Variants in LRSAM1 observed in about 807,000 individuals in gnomAD.
LRSAM1 encodes E3 ubiquitin-protein ligase LRSAM1.
LRSAM1 carries 96 observed loss-of-function variants against 118.1 expected under a neutral mutation model. The ratio of observed to expected loss-of-function variants is 0.81; its 90% CI spans 0.69 to 0.96. The LOEUF is 0.96. Ranked by LOEUF, LRSAM1 falls within the 40% of genes least tolerant of loss-of-function variation. The pLI is 0.00. For synonymous variants in LRSAM1, 322 were observed against 364.2 expected, an observed-to-expected ratio of 0.88 and a Z score of 1.32; for missense variants, 804 against 915.5, an observed-to-expected ratio of 0.88 and a Z score of 1.57.
intron 24 of LRSAM1, among the ~76,000 whole-genome samples, chr9:127,500,103 G>A (rs1353431825): frequency 2.6e-5 from 4 of 152,098 alleles, no homozygotes; most frequent in Non-Finnish European, 4.4e-5. Flanking sequence ...GCTCACGCCT[G>A]TAATCCCAGC....
intron 9 of LRSAM1, among the ~76,000 whole-genome samples, chr9:127,464,839 C>T (rs1834873583): frequency 6.6e-6 from 1 of 151,940 alleles, no homozygotes; most frequent in South Asian, 2.1e-4. Flanking sequence ...GATGAGGTCC[C>T]ACTATGTTGC....
In LRSAM1 at chr9:127,461,217, C is replaced by T; in HGVS notation, c.366C>T (p.Ser122=). Residue 122 remains serine, a synonymous_variant, in exon 8 of 26, where the codon TCC becomes TCT. Coordinates refer to ENST00000300417, the MANE Select transcript of LRSAM1 (RefSeq NM_001005373.4). ...ATCAACTGATGCAGCTCCCACGTTCCATTGGGAACCTGACCCAGCTCCAGA... is the reference window on the plus strand; with the variant it reads ...ATCAACTGATGCAGCTCCCACGTTCTATTGGGAACCTGACCCAGCTCCAGA... ...ERNQLMQLPR[S]IGNLTQLQTL... is the part of the protein sequence containing the mutation. 6.2e-7 allele frequency: 1 copy of T among 1,612,344 alleles called. No individual in the cohort carries two copies. Among genetic ancestry groups the T allele is most frequent in the African/African-American group, 1.3e-5 (1 of 75,016 alleles).
chr9:127,460,411 C>G (rs1834691168), intron 7 of LRSAM1, among the ~76,000 whole-genome samples: 1 of 152,250 alleles, frequency 6.6e-6, no homozygotes, highest in Non-Finnish European at 1.5e-5. Context: ...CTGGTTCAGT[C>G]CCAGCACCAC....
chr9:127,501,094 C>T lies in LRSAM1; in HGVS notation c.1997C>T (p.Ala666Val). The part of the protein sequence containing the change: ...PESVRPSAPP[A>V]ELEVQASECV... Reference sequence around the variant, plus strand: ...TCTGTGAGGCCATCCGCTCCCCCTGCAGAGCTGGAGGTGCAGGCCTCAGAG... The same window carrying T: ...TCTGTGAGGCCATCCGCTCCCCCTGTAGAGCTGGAGGTGCAGGCCTCAGAG... The change falls in exon 25 of 26, where the codon GCA becomes GTA. Residue 666 changes from alanine to valine, a missense_variant. By Grantham distance (64) the Ala-to-Val change is moderately conservative. Transcript: ENST00000300417. 6.2e-7 allele frequency: 1 copy of T among 1,613,982 alleles called. No homozygotes were observed. Among genetic ancestry groups the T allele is most frequent in the Admixed American group, 1.7e-5 (1 of 60,016 alleles).
At chr9:127,466,513 T>TATACA (rs1326313613) in intron 9 of LRSAM1, among the ~76,000 whole-genome samples, 1 of 86,026 alleles carries the variant, frequency 1.2e-5, no homozygotes, top group African/African-American at 5.4e-5. Context: ...TATTTTTTTT[T>TATACA]TTTTTTTTTT....
intron 12 of LRSAM1, 148 bp from the exon 13 acceptor site, chr9:127,479,235 A>T: frequency 8.4e-7 from 1 of 1,190,464 alleles, no homozygotes; most frequent in Non-Finnish European, 1.2e-6. Flanking sequence ...TTGTTTTCTT[A>T]CAGTTGGGCC....
chr9:127,451,804 T>C (rs975105024), intron 1 of LRSAM1, 125 bp from the exon 2 acceptor site: 3 of 160,670 alleles, frequency 1.9e-5, no homozygotes, highest in African/African-American at 7.2e-5. Context: ...GCACTTTAGT[T>C]ATCAAAACAG....
chr9:127,467,844 G>A lies in LRSAM1; in HGVS notation c.619+14G>A, dbSNP rs770398029. On this transcript the variant is annotated intron_variant, in intron 10 of 25. Transcript: ENST00000300417. ...TCCTCTGCAAAGGTAAAGCCAGGCC[G>A]CTGCCTCCTCCCCTCATTGAGGAAC... The A allele has an allele frequency of 3.2e-5, 50 of 1,566,190 alleles. No individual in the cohort carries two copies. Among genetic ancestry groups the A allele is most frequent in the South Asian group, 8.1e-5 (7 of 85,906 alleles).
rs376651049 is a variant in LRSAM1 at position 127,493,897 on chromosome 9, G to A, written c.1599+1000G>A. Among the ~76,000 whole-genome samples the A allele has an allele frequency of 7.9e-5, 12 of 152,326 alleles. No individual in the cohort carries two copies. The East Asian group carries it at 1.5e-3, about 20-fold the overall frequency. ...ATGCACCAGATGCCCTCTGAGCTGC[G>A]TCCTAGGCCGGGTCCTGTGCAGGTT... On this transcript the variant is annotated intron_variant, in intron 21 of 25. Coordinates refer to ENST00000300417, the MANE Select transcript of LRSAM1 (RefSeq NM_001005373.4).
Position 127,502,978 on chromosome 9 carries a change from CAGCCAGACTCGTATG to C in LRSAM1, c.*82_*96del, listed in dbSNP as rs1836456929. The C allele has an allele frequency of 6.5e-7, 1 of 1,535,830 alleles. No homozygotes were observed. Among genetic ancestry groups the C allele is most frequent in the Admixed American group, 2.0e-5 (1 of 51,054 alleles). On this transcript the variant is annotated 3_prime_UTR_variant, in exon 26 of 26. Transcript: ENST00000300417. The stretch of plus-strand genomic sequence containing the variant: ...CCCGGGCTCCTGCTCAGCCTTGTGC[CAGCCAGACTCGTATG>C]AGGCTCCCCCCTGCCCTGGGCCCCT...
At chr9:127,488,004 C>A (rs927263297) in intron 18 of LRSAM1, among the ~76,000 whole-genome samples, 5 of 152,108 alleles carry the variant, frequency 3.3e-5, no homozygotes, top group Non-Finnish European at 5.9e-5. Context: ...CTGGCAGGCT[C>A]CTACCCCCAT....
chr9:127,454,544 G>A lies in LRSAM1; in HGVS notation c.17G>A (p.Arg6Gln), dbSNP rs778740625. The change falls in exon 3 of 26, where the codon CGG (arginine) becomes CAG (glutamine). Residue 6 changes from arginine to glutamine, a missense_variant. Transcript: ENST00000300417. MPLFF[R>Q]KRKPSEEARK... ...AAGGGAAGGATGCCGCTCTTCTTCC[G>A]GAAGCGGAAACCCAGTGAGGAGGCT... is the stretch of plus-strand genomic sequence containing the variant. 50 of 1,613,934 alleles carry A rather than the reference G, an allele frequency of 3.1e-5. No homozygotes were observed. The highest frequency in any genetic ancestry group is 1.6e-4 in the Middle Eastern group (1 of 6,076).
At chr9:127,459,217 G>GGTTT in intron 7 of LRSAM1, 146 bp downstream of exon 7, 1 of 579,626 alleles carries the variant, frequency 1.7e-6, no homozygotes, top group Non-Finnish European at 3.0e-6. Context: ...GCCCTTTGGG[G>GGTTT]TTTTTTTTTT....
At chr9:127,471,063 T>TG (rs1194362705) in intron 10 of LRSAM1, 1 of 151,894 alleles carries the variant, frequency 6.6e-6, no homozygotes, top group Non-Finnish European at 1.5e-5. Context: ...TGGAGGGGGG[T>TG]GGCTGCGATC....
intron 25 of LRSAM1, 70 bp from the exon 26 acceptor site, chr9:127,502,704 A>G: frequency 6.8e-7 from 1 of 1,462,794 alleles, no homozygotes; most frequent in Non-Finnish European, 9.1e-7. Context: ...AAAAAAAAAA[A>G]AAAAAAGACG....
intron 9 of LRSAM1, among the ~76,000 whole-genome samples, chr9:127,464,270 C>T (rs1406289978): frequency 6.6e-6 from 1 of 152,230 alleles, no homozygotes; most frequent in African/African-American, 2.4e-5. Flanking sequence ...CTCTCTGCTG[C>T]CTACTGGAAC....
chr9:127,502,338 T>C (rs1430007426), intron 25 of LRSAM1, among the ~76,000 whole-genome samples: 1 of 152,198 alleles, frequency 6.6e-6, no homozygotes, highest in African/African-American at 2.4e-5. Flanking sequence ...GTTTCTGTGG[T>C]GGTCAAATGC....
chr9:127,499,696 C>T (rs182406489), intron 24 of LRSAM1, among the ~76,000 whole-genome samples: 4 of 151,168 alleles, frequency 2.6e-5, no homozygotes, highest in Admixed American at 2.0e-4. Context: ...TTTGGGAAGC[C>T]GAGGCGGGCA....
At chr9:127,480,110 G>T in intron 14 of LRSAM1, 132 bp downstream of exon 14, 1 of 1,268,336 alleles carries the variant, frequency 7.9e-7, no homozygotes, top group Non-Finnish European at 1.1e-6. Flanking sequence ...ATCCAGTCTG[G>T]GTGCTTCAAC....
Sources: gnomAD v4.1 joint callset for allele counts (sites outside exome capture counted in the v4.1 genomes callset) on GRCh38, gnomAD v4.1.1 for gene constraint, MANE v1.5 for transcripts, NCBI Gene and HGNC (gene_info 2026-07-23, HGNC 2026-07-21) for gene names.